ARHGEF19: variants seen among roughly 807,000 people sequenced by gnomAD.
The protein encoded by ARHGEF19 is Rho guanine nucleotide exchange factor (GEF) 19.
In ARHGEF19, 92 loss-of-function variants were observed where a neutral mutation model predicts 87.6. The observed-to-expected ratio is 1.05, with a 90% confidence interval of 0.89 to 1.25. The LOEUF (loss-of-function observed/expected upper bound fraction) is 1.25. Among genes scored for constraint, ARHGEF19 ranks in the 50% most tolerant of loss-of-function variants. The pLI, the probability that ARHGEF19 is intolerant of heterozygous loss-of-function variation, is 0.00. For synonymous variants in ARHGEF19, 438 were observed against 446.2 expected (o/e 0.98, Z 0.23); for missense variants, 1,054 against 1,051.8 (o/e 1.00, Z -0.03).
Position 16,208,195 on chromosome 1 carries a change from T to A in ARHGEF19, c.443A>T (p.Glu148Val), listed in dbSNP as rs760430055. The change falls in exon 3 of 16, where the codon GAG becomes GTG. Residue 148 changes from glutamate to valine, a missense_variant. By Grantham distance (121) the Glu-to-Val change is moderately radical. Transcript: ENST00000270747. ...WRKMRVYQRE[E>V]VPGCPEAHAV... ...GTGGGCCTCGGGGCAGCCGGGGACC[T>A]CTTCACGCTGGTACACCCGCATCTT... is the stretch of plus-strand genomic sequence containing the variant. The A allele has an allele frequency of 4.3e-6, 7 of 1,613,248 alleles. No homozygotes were observed. The Admixed American group carries it at 6.7e-5, about 15-fold the overall frequency.
At position 16,209,011 on chromosome 1, in the gene ARHGEF19, C is replaced by A. The variant is rs1414836068; in HGVS notation, c.44G>T (p.Gly15Val). 7 of 1,505,000 alleles carry A rather than the reference C, an allele frequency of 4.7e-6. No individual in the cohort carries two copies. The African/African-American group carries it at 9.8e-5, about 21-fold the overall frequency. The allele number at this position is 1,505,000 out of a possible 1,614,324, so 93.2% of individuals were successfully genotyped here. Reference sequence around the variant, plus strand: ...AGGGTGGTGGGCAGTGCCAGGTGGCCCAGTCAGGTGGGGCTGGAGGGTAGC... The same window carrying A: ...AGGGTGGTGGGCAGTGCCAGGTGGCACAGTCAGGTGGGGCTGGAGGGTAGC... Reference protein sequence around the residue: ...PPATLQPHLTGPPGTAHHPVA... With the variant: ...PPATLQPHLTVPPGTAHHPVA... Residue 15 changes from glycine (G) to valine (V), a missense_variant, in exon 2 of 16, where the codon GGG becomes GTG. Physicochemically the swap from Gly to Val is moderately radical, Grantham distance 109. Transcript: ENST00000270747.
intron 14 of ARHGEF19, among the ~76,000 whole-genome samples, chr1:16,199,824 C>T (rs912075338): frequency 5.9e-5 from 9 of 151,834 alleles, no homozygotes; most frequent in Non-Finnish European, 1.3e-4. Flanking sequence ...CTCCACTTTC[C>T]CTCCCTACTC....
chr1:16,205,138 C>T lies in ARHGEF19; in HGVS notation c.1695G>A (p.Lys565=). The T allele has an allele frequency of 1.2e-6, 2 of 1,604,810 alleles. No homozygotes were observed. The highest frequency in any genetic ancestry group is 1.7e-6 in the Non-Finnish European group (2 of 1,175,682). ...TCAGGTGGATGAGTTCCTCTGTCCT[C>T]TTCATGGACTGTACACTAGCATTGC... The part of the protein sequence containing the change: ...QECNASVQSM[K]RTEELIHLSK... Residue 565 remains lysine, a synonymous_variant, in exon 11 of 16, where the codon AAG becomes AAA. Transcript: ENST00000270747. The surrounding 1 kb of genome is among the most constrained non-coding windows in gnomAD (Gnocchi z 5.8).
At position 16,207,046 on chromosome 1, in the gene ARHGEF19, C is replaced by A; in HGVS notation, c.1039G>T (p.Ala347Ser). Reference sequence around the variant, plus strand: ...CACAGCGAGAAGGTGGAGCCTCGCGCCGAGCGCTGCGCCCGGAAGGAGCTG... The same window carrying A: ...CACAGCGAGAAGGTGGAGCCTCGCGACGAGCGCTGCGCCCGGAAGGAGCTG... ...PSSSFRAQRSARGSTFSLWQD... is the reference protein window; with the variant it reads ...PSSSFRAQRSSRGSTFSLWQD... The change falls in exon 6 of 16, where the codon GCG becomes TCG. Residue 347 changes from alanine to serine, a missense_variant. Ala to Ser is a moderately conservative substitution (Grantham distance 99). Coordinates refer to ENST00000270747, the MANE Select transcript of ARHGEF19 (RefSeq NM_153213.5). This position sits in a 1 kb window ranked among gnomAD's most constrained non-coding sequence, Gnocchi z 4.0. 6.6e-7 allele frequency: 1 copy of A among 1,508,464 alleles called. No homozygotes were observed. Among genetic ancestry groups the A allele is most frequent in the Non-Finnish European group, 8.8e-7 (1 of 1,131,344 alleles). The allele number at this position is 1,508,464 out of a possible 1,614,324, so 93.4% of individuals were successfully genotyped here.
chr1:16,207,139 C>T lies in ARHGEF19; in HGVS notation c.946G>A (p.Gly316Ser). 3 of 1,527,900 alleles carry T rather than the reference C, an allele frequency of 2.0e-6. No individual in the cohort carries two copies. The highest frequency in any genetic ancestry group is 1.8e-6 in the Non-Finnish European group (2 of 1,141,172). 94.6% of individuals were successfully genotyped at this position (1,527,900 alleles called of 1,614,324 possible). Residue 316 changes from glycine (G) to serine (S), a missense_variant, in exon 6 of 16, where the codon GGC becomes AGC. Transcript: ENST00000270747. The surrounding 1 kb of genome is among the most constrained non-coding windows in gnomAD (Gnocchi z 4.0). ...GCGCCCTCGGCCTCGTCCCCCGGGC[C>T]CTCCTCCTCGCGCTGCTGCCGCCGC... ...ELRRQQREEE[G>S]PGDEAEGAEE...
At position 16,199,202 on chromosome 1, in the gene ARHGEF19, C is replaced by A; in HGVS notation, c.2199G>T (p.Glu733Asp). 1 of 1,614,102 alleles carries A rather than the reference C, an allele frequency of 6.2e-7. No homozygotes were observed. The highest frequency in any genetic ancestry group is 2.2e-5 in the East Asian group (1 of 44,884). The change falls in exon 15 of 16, where the codon GAG becomes GAT. Residue 733 changes from glutamate (E) to aspartate (D), a missense_variant. Physicochemically the swap from Glu to Asp is conservative, Grantham distance 45. Transcript: ENST00000270747. ...GGATGTCAGTCTTCTCCAAGGTCAG[C>A]TCATCTGGGTGCAGTGCCTTGTATG... ...VRTYKALHPDELTLEKTDILS... is the reference protein window; with the variant it reads ...VRTYKALHPDDLTLEKTDILS...
At chr1:16,202,998 G>C (rs1429748786) in intron 12 of ARHGEF19, among the ~76,000 whole-genome samples, 2 of 151,958 alleles carry the variant, frequency 1.3e-5, no homozygotes, top group African/African-American at 4.8e-5. Flanking sequence ...ACCTCTCTCT[G>C]AACCTCTCTG....
Position 16,202,356 on chromosome 1 carries a change from G to A in ARHGEF19, c.2066+60C>T. 14 of 1,524,196 alleles carry A rather than the reference G, an allele frequency of 9.2e-6. No individual in the cohort carries two copies. In the South Asian group the frequency reaches 1.2e-4, roughly 14 times the overall value. 94.4% of individuals were successfully genotyped at this position (1,524,196 alleles called of 1,614,324 possible). ...ATGGGGACGGGGTGCCCATCATGGG[G>A]ACGGGGTGCCTGTCATGGGGAGGGG... is the stretch of plus-strand genomic sequence containing the variant. On this transcript the variant is annotated intron_variant, in intron 13 of 15. Transcript: ENST00000270747.
chr1:16,203,330 G>C (rs535614333), intron 12 of ARHGEF19, among the ~76,000 whole-genome samples: 1 of 152,176 alleles, frequency 6.6e-6, no homozygotes, highest in African/African-American at 2.4e-5. Context: ...AAACTCAGAC[G>C]TCATGCTCAC....
rs1369959715 is a variant in ARHGEF19 at position 16,205,023 on chromosome 1, C to A, written c.1746+64G>T. 4.5e-6 allele frequency: 7 copies of A among 1,562,412 alleles called. No individual in the cohort carries two copies. The Admixed American group carries it at 1.3e-4, about 30-fold the overall frequency. On this transcript the variant is annotated intron_variant, in intron 11 of 15. Transcript: ENST00000270747. This position sits in a 1 kb window ranked among gnomAD's most constrained non-coding sequence, Gnocchi z 5.8. ...CAGCGATTAACTGGCCTGAAGCCCC[C>A]AGGGCAAGGAAGAAACAAGAGCTGC... is the stretch of plus-strand genomic sequence containing the variant.
chr1:16,207,485 T>A lies in ARHGEF19; in HGVS notation c.874+37A>T, dbSNP rs776749593. On this transcript the variant is annotated intron_variant, in intron 5 of 15. Coordinates refer to ENST00000270747, the MANE Select transcript of ARHGEF19 (RefSeq NM_153213.5). This position sits in a 1 kb window ranked among gnomAD's most constrained non-coding sequence, Gnocchi z 4.0. ...CCGTTTCCACACCGCAGCCCCTTCC[T>A]CCGTTACCTCCTCCCAGGGACCCCC... 6.2e-7 allele frequency: 1 copy of A among 1,610,358 alleles called. No individual in the cohort carries two copies. Among genetic ancestry groups the A allele is most frequent in the Non-Finnish European group, 8.5e-7 (1 of 1,177,256 alleles).
In ARHGEF19 at chr1:16,207,484, C is replaced by T. The variant is rs1188133497; in HGVS notation, c.874+38G>A. The T allele has an allele frequency of 1.2e-6, 2 of 1,610,188 alleles. No individual in the cohort carries two copies. Among genetic ancestry groups the T allele is most frequent in the South Asian group, 1.1e-5 (1 of 90,924 alleles). ...CCCGTTTCCACACCGCAGCCCCTTC[C>T]TCCGTTACCTCCTCCCAGGGACCCC... On this transcript the variant is annotated intron_variant, in intron 5 of 15. Coordinates refer to ENST00000270747, the MANE Select transcript of ARHGEF19 (RefSeq NM_153213.5). This position sits in a 1 kb window ranked among gnomAD's most constrained non-coding sequence, Gnocchi z 4.0.
In ARHGEF19 at chr1:16,205,851, T is replaced by C; in HGVS notation, c.1451+80A>G. ...GACCCCTCCCCTCCCAGAGTCACCT[T>C]ACGTCACCCAGCCCTCAGTGCCTAC... On this transcript the variant is annotated intron_variant, in intron 8 of 15. Transcript: ENST00000270747. This position sits in a 1 kb window ranked among gnomAD's most constrained non-coding sequence, Gnocchi z 5.8. 1 of 1,525,726 alleles carries C rather than the reference T, an allele frequency of 6.6e-7. No individual in the cohort carries two copies. Among genetic ancestry groups the C allele is most frequent in the Non-Finnish European group, 8.8e-7 (1 of 1,132,532 alleles). The allele number at this position is 1,525,726 out of a possible 1,614,324, so 94.5% of individuals were successfully genotyped here. A position where few individuals can be genotyped will look rare whatever the true frequency, so the allele number is the denominator to read the frequency against.
In ARHGEF19 at chr1:16,206,573, T is replaced by G. The variant is rs2081138188; in HGVS notation, c.1138-233A>C. The G allele has an allele frequency of 1.4e-4, 67 of 487,342 alleles. No homozygotes were observed. The highest frequency in any genetic ancestry group is 4.5e-4 in the Middle Eastern group (1 of 2,232). 30.2% of individuals were successfully genotyped at this position (487,342 alleles called of 1,614,324 possible). A position where few individuals can be genotyped will look rare whatever the true frequency, so the allele number is the denominator to read the frequency against. ...TCCTAAGCCCCGCCCCGACGCGTTC[T>G]TCCCAGAGCCCCGCCCACCCCCCAG... On this transcript the variant is annotated intron_variant, in intron 6 of 15. Transcript: ENST00000270747. The surrounding 1 kb of genome is among the most constrained non-coding windows in gnomAD (Gnocchi z 4.6).
At position 16,204,788 on chromosome 1, in the gene ARHGEF19, A is replaced by G. The variant is rs1051442830; in HGVS notation, c.1878T>C (p.Asn626=). The change falls in exon 12 of 16, where the codon AAT becomes AAC. Residue 626 remains asparagine, a synonymous_variant. Transcript: ENST00000270747. ...SSKAVYLHLF[N]DCLLLSRRKE... ...TCCGCCGAGAGAGCAGCAAGCAGTC[A>G]TTGAAGAGGTGGAGGTAGACTGCCT... 1.2e-6 allele frequency: 2 copies of G among 1,611,272 alleles called. No individual in the cohort carries two copies. Among genetic ancestry groups the G allele is most frequent in the Non-Finnish European group, 1.7e-6 (2 of 1,177,896 alleles).
In ARHGEF19 at chr1:16,202,759, C is replaced by T. The variant is rs1437532166; in HGVS notation, c.1908-185G>A. Among the ~76,000 whole-genome samples, 12 of 152,246 alleles carry T rather than the reference C, an allele frequency of 7.9e-5. 1 individual carries two copies. The highest frequency in any genetic ancestry group is 1.5e-5 in the Non-Finnish European group (1 of 68,048). ...CCCACAAGGAACCAAGAGCTCCTTC[C>T]CCGCTGGCTTGCTGGTGGAGGCTGG... is the stretch of plus-strand genomic sequence containing the variant. On this transcript the variant is annotated intron_variant, in intron 12 of 15. Transcript: ENST00000270747.
At position 16,206,097 on chromosome 1, in the gene ARHGEF19, G is replaced by A. The variant is rs374200319; in HGVS notation, c.1299-14C>T. 5.1e-5 allele frequency: 80 copies of A among 1,575,846 alleles called. No homozygotes were observed. The highest frequency in any genetic ancestry group is 5.0e-4 in the Middle Eastern group (3 of 5,956). On this transcript the variant is annotated splice_polypyrimidine_tract_variant and intron_variant, in intron 7 of 15. Transcript: ENST00000270747. This position sits in a 1 kb window ranked among gnomAD's most constrained non-coding sequence, Gnocchi z 4.6. ...TCCTGCAGGAACCTGAGGAGTCAGAGCCAGGATGGAGACCCCAGATCTGGG... is the reference window on the plus strand; with the variant it reads ...TCCTGCAGGAACCTGAGGAGTCAGAACCAGGATGGAGACCCCAGATCTGGG...
At chr1:16,212,069 C>T (rs2081202753) in intron 1 of ARHGEF19, among the ~76,000 whole-genome samples, 1 of 152,222 alleles carries the variant, frequency 6.6e-6, no homozygotes, top group African/African-American at 2.4e-5. Context: ...AAACATGTCT[C>T]ATCATAAATG....
Position 16,207,937 on chromosome 1 carries a change from C to T in ARHGEF19, c.694+7G>A. The T allele has an allele frequency of 1.3e-6, 2 of 1,591,574 alleles. No individual in the cohort carries two copies. The highest frequency in any genetic ancestry group is 1.7e-6 in the Non-Finnish European group (2 of 1,168,534). On this transcript the variant is annotated splice_region_variant and intron_variant, in intron 3 of 15. Coordinates refer to ENST00000270747, the MANE Select transcript of ARHGEF19 (RefSeq NM_153213.5). The surrounding 1 kb of genome is among the most constrained non-coding windows in gnomAD (Gnocchi z 4.0). ...CTGCCCTCAGGGCCCATGGGAGGAG[C>T]TGGTACCTTCCCGGGCTGCTCCGGT...
Sources: allele counts gnomAD v4.1 joint callset (sites outside exome capture counted in the v4.1 genomes callset), GRCh38; gene constraint gnomAD v4.1.1; non-coding constraint Gnocchi (gnomAD v3.1); transcripts MANE v1.5; gene names NCBI Gene and HGNC (gene_info 2026-07-23, HGNC 2026-07-21).